The following PALLD variants were observed in gnomAD, a reference collection of about 807,000 sequenced individuals.
PALLD encodes palladin.
PALLD carries 61 observed loss-of-function variants against 123.5 expected under a neutral mutation model. That is an observed-to-expected ratio of 0.49 (90% CI 0.40 to 0.61). The LOEUF (loss-of-function observed/expected upper bound fraction) is 0.61, where lower values mean the gene tolerates loss of function less well. PALLD is among the 20% of genes least tolerant of loss of function. PALLD has a pLI of 0.00. For synonymous variants in PALLD, 465 were observed against 496.4 expected, an observed-to-expected ratio of 0.94 and a Z score of 0.84; for missense variants, 1,273 against 1,377.0, an observed-to-expected ratio of 0.92 and a Z score of 1.20.
intron 10 of PALLD, among the ~76,000 whole-genome samples, chr4:168,836,693 G>A (rs927157767): frequency 1.3e-5 from 2 of 152,214 alleles, no homozygotes; most frequent in Non-Finnish European, 2.9e-5. Context: ...TGACGTCTAT[G>A]ACATTCGGAT....
chr4:168,805,692 C>G (rs901296424), intron 10 of PALLD, among the ~76,000 whole-genome samples: 1 of 152,178 alleles, frequency 6.6e-6, no homozygotes, highest in Admixed American at 6.5e-5. Flanking sequence ...CCCGACTCCC[C>G]TGTTACAGAG....
In PALLD at chr4:168,550,280, T is replaced by TG. The variant is rs1766594736; in HGVS notation, c.908+37868_908+37869insG. ...GTCTGAGTCAGTGCAAAACTACATT[T>TG]TTTTTTATCAAAACAGAAAACGAAA... On this transcript the variant is annotated intron_variant, in intron 2 of 21. Transcript: ENST00000505667. 1.1e-4 allele frequency among the ~76,000 whole-genome samples: 16 copies of TG among 151,470 alleles called. 1 individual carries two copies. In the South Asian group the frequency reaches 3.4e-3, roughly 32 times the overall value.
At chr4:168,819,112 A>G (rs997610373) in intron 10 of PALLD, among the ~76,000 whole-genome samples, 7 of 152,256 alleles carry the variant, frequency 4.6e-5, no homozygotes, top group African/African-American at 1.7e-4. Context: ...CAGCAAATAT[A>G]AGTCACAAAG....
rs1169010196 is a variant in PALLD at position 168,639,204 on chromosome 4, CTG to C, written c.909-28983_909-28982del. On this transcript the variant is annotated intron_variant, in intron 2 of 21. Coordinates refer to ENST00000505667, the MANE Select transcript of PALLD (RefSeq NM_001166108.2). ...TATCACAGAATGTGAATTTTCAAAA[CTG>C]TGAAAACCACAGAAGTCATTGCTCA... Among the ~76,000 whole-genome samples the C allele has an allele frequency of 2.6e-5, 4 of 152,216 alleles. No individual in the cohort carries two copies. The East Asian group carries it at 7.7e-4, about 29-fold the overall frequency.
At chr4:168,639,030 A>T (rs538671859) in intron 2 of PALLD, among the ~76,000 whole-genome samples, 6 of 152,178 alleles carry the variant, frequency 3.9e-5, no homozygotes, top group Non-Finnish European at 7.4e-5. Context: ...CCCCATAAGG[A>T]TCTTGTACCT....
chr4:168,868,705 G>A (rs1037662316), intron 10 of PALLD, among the ~76,000 whole-genome samples: 11 of 152,158 alleles, frequency 7.2e-5, no homozygotes, highest in African/African-American at 1.4e-4. Context: ...ACTCTGTCCG[G>A]TCTTTTATGA....
intron 10 of PALLD, among the ~76,000 whole-genome samples, chr4:168,724,009 C>T (rs1027581417): frequency 2.0e-5 from 3 of 151,398 alleles, no homozygotes; most frequent in Admixed American, 1.3e-4. Flanking sequence ...TCTCCTGCCT[C>T]AGCCTCCCGA....
At chr4:168,634,016 A>T (rs2149838279) in intron 2 of PALLD, among the ~76,000 whole-genome samples, 1 of 152,352 alleles carries the variant, frequency 6.6e-6, no homozygotes, top group East Asian at 1.9e-4. Context: ...GGGTCCTGTG[A>T]TGTGATGGCA....
At chr4:168,612,676 C>G (rs990276950) in intron 2 of PALLD, among the ~76,000 whole-genome samples, 4 of 152,194 alleles carry the variant, frequency 2.6e-5, no homozygotes, top group Admixed American at 6.5e-5. Context: ...AGTGACTCAT[C>G]CAAGAGAAAC....
chr4:168,690,875 C>T, intron 7 of PALLD, 131 bp downstream of exon 7: 3 of 967,302 alleles, frequency 3.1e-6, no homozygotes, highest in South Asian at 1.3e-5. Flanking sequence ...AGATAATCTA[C>T]AGTGTGTTGA....
At chr4:168,599,901 C>G (rs999805748) in intron 2 of PALLD, among the ~76,000 whole-genome samples, 13 of 61,300 alleles carry the variant, frequency 2.1e-4, no homozygotes, top group South Asian at 3.6e-4. Flanking sequence ...GTGTGTATAT[C>G]ACACACACAC....
intron 10 of PALLD, among the ~76,000 whole-genome samples, chr4:168,728,607 G>A (rs1786826224): frequency 6.6e-6 from 1 of 152,174 alleles, no homozygotes; most frequent in South Asian, 2.1e-4. Flanking sequence ...TTTTGGTGGA[G>A]TCTTTAGGAA....
At chr4:168,747,755 C>T (rs1442435863) in intron 10 of PALLD, among the ~76,000 whole-genome samples, 3 of 152,118 alleles carry the variant, frequency 2.0e-5, no homozygotes, top group South Asian at 4.1e-4. Flanking sequence ...GTTAGCTTTG[C>T]GTTAAGAGAA....
intron 10 of PALLD, among the ~76,000 whole-genome samples, chr4:168,845,524 A>T (rs931829970): frequency 6.6e-6 from 1 of 152,264 alleles, no homozygotes; most frequent in Non-Finnish European, 1.5e-5. Context: ...ATTAGGTATT[A>T]TAAGTAATCT....
At position 168,878,682 on chromosome 4, in the gene PALLD, T is replaced by TTGG. The variant is rs1553965735; in HGVS notation, c.1965-12240_1965-12239insTGG. ...ATGCAGTGCCCTCTCTTAATCATTA[T>TTGG]GGGGGGGGGGGTGCTTAGCTATCAT... On this transcript the variant is annotated intron_variant, in intron 10 of 21. Transcript: ENST00000505667. Among the ~76,000 whole-genome samples, 379 of 83,890 alleles carry TTGG rather than the reference T, an allele frequency of 4.5e-3. 7 individuals are homozygous for TTGG. Among genetic ancestry groups the TTGG allele is most frequent in the Middle Eastern group, 0.023 (4 of 172 alleles). The allele number at this position is 83,890 out of a possible 152,430, so 55.0% of individuals were successfully genotyped here.
rs1484808732 is a variant in PALLD, at chr4:168,926,199, CTT to C, written c.*33-10_*33-9del. ...TCTTGATTAAAAATCTTAATTTACT[CTT>C]TTTCTTTGTAGCCCAGTGGCATCAG... On this transcript the variant is annotated splice_polypyrimidine_tract_variant and intron_variant, in intron 21 of 21. Transcript: ENST00000505667. 18 of 1,504,376 alleles carry C rather than the reference CTT, an allele frequency of 1.2e-5. No homozygotes were observed. The highest frequency in any genetic ancestry group is 1.6e-5 in the Non-Finnish European group (18 of 1,131,056). 93.2% of individuals were successfully genotyped at this position (1,504,376 alleles called of 1,614,324 possible).
chr4:168,777,717 A>G (rs1735364806), intron 10 of PALLD, among the ~76,000 whole-genome samples: 1 of 152,138 alleles, frequency 6.6e-6, no homozygotes, highest in Non-Finnish European at 1.5e-5. Flanking sequence ...TCCTCCTCCC[A>G]GCCCCGTTTA....
chr4:168,809,591 T>C (rs1385277529), intron 10 of PALLD, among the ~76,000 whole-genome samples: 1 of 152,126 alleles, frequency 6.6e-6, no homozygotes, highest in Non-Finnish European at 1.5e-5. Flanking sequence ...GGCTGGGCAC[T>C]GTGGCTCATG....
At chr4:168,658,172 A>C (rs1380256412) in intron 2 of PALLD, among the ~76,000 whole-genome samples, 1 of 152,132 alleles carries the variant, frequency 6.6e-6, no homozygotes, top group Non-Finnish European at 1.5e-5. Flanking sequence ...AATGAGGAAA[A>C]TATTAGAAGC....
Sources: gnomAD v4.1 joint callset for allele counts (sites outside exome capture counted in the v4.1 genomes callset) on GRCh38, gnomAD v4.1.1 for gene constraint, MANE v1.5 for transcripts, NCBI Gene and HGNC (gene_info 2026-07-23, HGNC 2026-07-21) for gene names.